The following SEPTIN7 variants were observed in gnomAD, a reference collection of about 807,000 sequenced individuals.
SEPTIN7 encodes septin 7.
In SEPTIN7, 10 loss-of-function variants were observed where a neutral mutation model predicts 63.3. The ratio of observed to expected loss-of-function variants is 0.16; its 90% CI spans 0.10 to 0.27. SEPTIN7 has a LOEUF of 0.27. Ranked by LOEUF, SEPTIN7 falls within the 10% of genes least tolerant of loss-of-function variation. SEPTIN7 has a pLI of 1.00. For synonymous variants in SEPTIN7, 131 were observed against 165.3 expected (o/e 0.79, Z 1.59); for missense variants, 310 against 521.0 (o/e 0.59, Z 3.94).
chr7:35,911,638 A>T (rs1253279482), downstream of SEPTIN7, among the ~76,000 whole-genome samples: 1 of 152,222 alleles, frequency 6.6e-6, no homozygotes, highest in African/African-American at 2.4e-5. Flanking sequence ...GGTACATATA[A>T]TAAGAAGTAT....
At chr7:35,847,227 A>AG (rs1784721049) in intron 3 of SEPTIN7, 1 of 156,680 alleles carries the variant, frequency 6.4e-6, no homozygotes. Context: ...CATGCTGCAG[A>AG]GGTAACATTC....
rs1788586975 is a variant in SEPTIN7 at position 35,905,885 on chromosome 7, A to G, written c.*1592A>G. ...AGTGACATAGATTTTAATGTAATGCATAATTTAGGTAAGAAATTAATTAAT... is the reference window on the plus strand; with the variant it reads ...AGTGACATAGATTTTAATGTAATGCGTAATTTAGGTAAGAAATTAATTAAT... On this transcript the variant is annotated 3_prime_UTR_variant, in exon 14 of 14. Transcript: ENST00000350320. 6.6e-6 allele frequency: 1 copy of G among 152,238 alleles called. No homozygotes were observed. The highest frequency in any genetic ancestry group is 6.5e-5 in the Admixed American group (1 of 15,288). 9.4% of individuals were successfully genotyped at this position (152,238 alleles called of 1,614,324 possible).
At position 35,834,295 on chromosome 7, in the gene SEPTIN7, T is replaced by G. The variant is rs536636861; in HGVS notation, c.169+1395T>G. Reference sequence around the variant, plus strand: ...AAATTTCCTTTGACTTTAGAATTTTTGTTTAAAGAATTACTTTTTAAACTA... The same window carrying G: ...AAATTTCCTTTGACTTTAGAATTTTGGTTTAAAGAATTACTTTTTAAACTA... On this transcript the variant is annotated intron_variant, in intron 3 of 13. Transcript: ENST00000350320. 3.3e-5 allele frequency among the ~76,000 whole-genome samples: 5 copies of G among 152,170 alleles called. No individual in the cohort carries two copies. In the South Asian group the frequency reaches 1.0e-3, roughly 32 times the overall value.
intron 3 of SEPTIN7, among the ~76,000 whole-genome samples, chr7:35,855,418 A>AG (rs1785155932): frequency 6.6e-6 from 1 of 152,178 alleles, no homozygotes; most frequent in Non-Finnish European, 1.5e-5. Context: ...CTGGGTCAAA[A>AG]GGCATGTAGA....
downstream of SEPTIN7, among the ~76,000 whole-genome samples, chr7:35,911,879 C>A (rs1788748625): frequency 6.6e-6 from 1 of 152,140 alleles, no homozygotes; most frequent in African/African-American, 2.4e-5. Flanking sequence ...ACACACCCGA[C>A]CTTAATGCCA....
intron 1 of SEPTIN7, among the ~76,000 whole-genome samples, chr7:35,815,420 T>C (rs2115744479): frequency 6.6e-6 from 1 of 152,366 alleles, no homozygotes; most frequent in South Asian, 2.1e-4. Context: ...ACCATGAATT[T>C]ATACTGGTAC....
chr7:35,872,554 C>A (rs1486487807), intron 4 of SEPTIN7, 112 bp from the exon 5 acceptor site: 2 of 734,368 alleles, frequency 2.7e-6, no homozygotes, highest in Admixed American at 4.0e-5. Context: ...ATTTAGTTTG[C>A]TAACAGTTTC....
intron 1 of SEPTIN7, among the ~76,000 whole-genome samples, chr7:35,811,043 A>G (rs1788674950): frequency 6.6e-6 from 1 of 152,238 alleles, no homozygotes; most frequent in African/African-American, 2.4e-5. Flanking sequence ...TGCTGGGATT[A>G]CAGGCATGAG....
chr7:35,804,477 T>G (rs897677881), intron 1 of SEPTIN7, among the ~76,000 whole-genome samples: 3 of 152,228 alleles, frequency 2.0e-5, no homozygotes, highest in Non-Finnish European at 4.4e-5. Flanking sequence ...TTACACTTGG[T>G]GCAGTCCAGC....
At chr7:35,885,161 CA>C (rs1787150571) in intron 9 of SEPTIN7, among the ~76,000 whole-genome samples, 1 of 152,042 alleles carries the variant, frequency 6.6e-6, no homozygotes, top group African/African-American at 2.4e-5. Flanking sequence ...TTATTTTGAA[CA>C]ATTCTTTAAT....
At chr7:35,911,743 G>A (rs1383974375), downstream of SEPTIN7, among the ~76,000 whole-genome samples, 2 of 152,292 alleles carry the variant, frequency 1.3e-5, no homozygotes, top group African/African-American at 4.8e-5. Context: ...TTAAGGATTT[G>A]TGGAAACTAT....
At chr7:35,870,225 G>A (rs1786062172) in intron 4 of SEPTIN7, among the ~76,000 whole-genome samples, 1 of 152,138 alleles carries the variant, frequency 6.6e-6, no homozygotes, top group South Asian at 2.1e-4. Flanking sequence ...CTTAAAGTGT[G>A]TAAAATACAA....
At chr7:35,882,775 T>G (rs929902237) in intron 8 of SEPTIN7, among the ~76,000 whole-genome samples, 199 bp downstream of exon 8, 3 of 152,106 alleles carry the variant, frequency 2.0e-5, no homozygotes, top group African/African-American at 7.2e-5. Context: ...TATAAACTAC[T>G]GAGGTGAATA....
chr7:35,844,439 G>T (rs1009812381), intron 3 of SEPTIN7, among the ~76,000 whole-genome samples: 1 of 150,800 alleles, frequency 6.6e-6, no homozygotes, highest in African/African-American at 2.4e-5. Flanking sequence ...TAAGCCTTCT[G>T]TATTTAACTT....
At chr7:35,860,343 G>A (rs548476367) in intron 3 of SEPTIN7, among the ~76,000 whole-genome samples, 4 of 151,778 alleles carry the variant, frequency 2.6e-5, no homozygotes, top group African/African-American at 7.2e-5. Context: ...TAATGCATTC[G>A]CCTTTAAAAA....
chr7:35,812,589 C>G (rs1045281172), intron 1 of SEPTIN7, among the ~76,000 whole-genome samples: 1 of 152,000 alleles, frequency 6.6e-6, no homozygotes, highest in African/African-American at 2.4e-5. Flanking sequence ...TTGGGAGGCT[C>G]CATTGCTTTT....
intron 3 of SEPTIN7, among the ~76,000 whole-genome samples, chr7:35,852,479 C>T (rs1236007723): frequency 7.3e-5 from 11 of 151,710 alleles, no homozygotes; most frequent in Admixed American, 5.2e-4. Context: ...ATTTGGAATA[C>T]ACTTAATTTA....
chr7:35,839,941 C>T (rs1411550317), intron 3 of SEPTIN7, among the ~76,000 whole-genome samples: 2 of 152,152 alleles, frequency 1.3e-5, no homozygotes, highest in African/African-American at 2.4e-5. Context: ...TCTTTAAACA[C>T]ACAGAGTTTT....
chr7:35,888,696 T>C (rs1012975665), intron 10 of SEPTIN7: 3 of 194,860 alleles, frequency 1.5e-5, no homozygotes, highest in African/African-American at 7.0e-5. Flanking sequence ...GGTGCATGCC[T>C]GTAGTCCCAG....
Sources: allele counts gnomAD v4.1 joint callset (sites outside exome capture counted in the v4.1 genomes callset), GRCh38; gene constraint gnomAD v4.1.1; transcripts MANE v1.5; gene names NCBI Gene and HGNC (gene_info 2026-07-23, HGNC 2026-07-21).